Variants in ZPBP observed in about 807,000 individuals in gnomAD.
The protein encoded by ZPBP is zona pellucida-binding protein 1.
Under a neutral mutation model 44.8 loss-of-function variants are expected in ZPBP, and 26 were observed. That is an observed-to-expected ratio of 0.58 (90% CI 0.43 to 0.81). The LOEUF is 0.81. ZPBP is among the 30% of genes least tolerant of loss of function. The pLI is 0.00. For synonymous variants in ZPBP, 174 were observed against 153.2 expected, an observed-to-expected ratio of 1.14 and a Z score of -1.00; for missense variants, 409 against 434.0, an observed-to-expected ratio of 0.94 and a Z score of 0.51.
intron 3 of ZPBP, among the ~76,000 whole-genome samples, chr7:50,068,851 TCA>T (rs982163902): frequency 2.0e-5 from 3 of 152,316 alleles, no homozygotes; most frequent in Non-Finnish European, 2.9e-5. Flanking sequence ...CCGAAATGCC[TCA>T]CAGTCTTTTA....
In ZPBP at chr7:50,031,074, C is replaced by T. The variant is rs765395545; in HGVS notation, c.706+18G>A. The T allele has an allele frequency of 1.2e-6, 2 of 1,610,450 alleles. No homozygotes were observed. The highest frequency in any genetic ancestry group is 1.7e-6 in the Non-Finnish European group (2 of 1,177,880). On this transcript the variant is annotated intron_variant, in intron 5 of 7. Coordinates refer to ENST00000046087, the MANE Select transcript of ZPBP (RefSeq NM_007009.3). ...ATGTGTTCTCCATTTGCTTTTCTAA[C>T]AAATTGTATAGACTTACCTGAAAAT...
chr7:49,972,265 A>G (rs1325683320), intron 7 of ZPBP, among the ~76,000 whole-genome samples: 1 of 151,770 alleles, frequency 6.6e-6, no homozygotes, highest in East Asian at 1.9e-4. Context: ...AAGAAAAATA[A>G]ATAAAAGACA....
chr7:49,979,904 T>A (rs1275411948), intron 7 of ZPBP, among the ~76,000 whole-genome samples: 1 of 121,956 alleles, frequency 8.2e-6, no homozygotes, highest in Admixed American at 1.1e-4. Context: ...ATATTACATA[T>A]CTGTGTTCTG....
chr7:49,987,728 T>TTGTG (rs55971066), intron 6 of ZPBP, among the ~76,000 whole-genome samples: 209 of 145,652 alleles, frequency 1.4e-3, no homozygotes, highest in African/African-American at 2.5e-3. Flanking sequence ...TATATATGTG[T>TTGTG]TGTGTGTGTG....
At chr7:49,871,721 A>G (rs983162817) in intron 2 of ZPBP, among the ~76,000 whole-genome samples, 3 of 152,122 alleles carry the variant, frequency 2.0e-5, no homozygotes, top group African/African-American at 7.2e-5. Flanking sequence ...TAGATCAGGT[A>G]AGGAAAAAAA....
chr7:50,076,634 A>G (rs1417860727), intron 3 of ZPBP, among the ~76,000 whole-genome samples: 1 of 151,814 alleles, frequency 6.6e-6, no homozygotes, highest in Non-Finnish European at 1.5e-5. Context: ...GAAATAAAAA[A>G]GTAATCCCAT....
chr7:49,955,733 A>T (rs1212692270), intron 7 of ZPBP, among the ~76,000 whole-genome samples: 1 of 152,216 alleles, frequency 6.6e-6, no homozygotes, highest in Non-Finnish European at 1.5e-5. Context: ...TTCCAATTAA[A>T]GTTTGGTAAA....
intron 6 of ZPBP, among the ~76,000 whole-genome samples, chr7:49,995,334 C>G (rs1797773790): frequency 6.6e-6 from 1 of 152,136 alleles, no homozygotes; most frequent in Non-Finnish European, 1.5e-5. Context: ...CAGCTGAAAA[C>G]AAACTGCTTC....
chr7:50,093,083 G>T lies in ZPBP; in HGVS notation c.112C>A (p.Arg38=), dbSNP rs1265008404. The part of the protein sequence containing the change: ...ILLFISAFLV[R]VPSSVGHLVR... ...GGACCCTCACCTGATGAGGGCACCC[G>T]CACCAGGAAGGCGGAGATAAAGAGG... Residue 38 remains arginine (R), a synonymous_variant, in exon 1 of 8, where the codon CGG becomes AGG. Transcript: ENST00000046087. 6.2e-7 allele frequency: 1 copy of T among 1,600,604 alleles called. No homozygotes were observed. The highest frequency in any genetic ancestry group is 2.3e-5 in the East Asian group (1 of 44,326).
intron 7 of ZPBP, among the ~76,000 whole-genome samples, chr7:49,976,734 T>C (rs867541601): frequency 2.7e-4 from 41 of 152,316 alleles, no homozygotes; most frequent in African/African-American, 9.6e-4. Context: ...CTTCATGATA[T>C]TGTTAATTCT....
At chr7:49,900,936 G>A (rs562999645) in intron 2 of ZPBP, among the ~76,000 whole-genome samples, 2 of 151,886 alleles carry the variant, frequency 1.3e-5, no homozygotes, top group East Asian at 3.9e-4. Context: ...ATTTATCCCA[G>A]GTATGCCTTA....
chr7:49,882,721 C>A (rs1791722428), intron 2 of ZPBP, among the ~76,000 whole-genome samples: 1 of 152,112 alleles, frequency 6.6e-6, no homozygotes, highest in South Asian at 2.1e-4. Flanking sequence ...AATGTGTAAC[C>A]TTCCTAAGGC....
intron 7 of ZPBP, among the ~76,000 whole-genome samples, chr7:49,954,398 G>C (rs988148475): frequency 1.3e-5 from 2 of 152,138 alleles, no homozygotes; most frequent in African/African-American, 2.4e-5. Context: ...CAAATGCTTA[G>C]ATCTGACACC....
chr7:49,938,722 TG>T (rs1245466198), intron 7 of ZPBP, among the ~76,000 whole-genome samples: 2 of 152,186 alleles, frequency 1.3e-5, no homozygotes, highest in Non-Finnish European at 2.9e-5. Flanking sequence ...CTCTTTTTCC[TG>T]TTGCAAATGT....
chr7:49,845,412 CAAT>C, the ZPBP span, among the ~76,000 whole-genome samples: 1 of 152,170 alleles, frequency 6.6e-6, no homozygotes, highest in East Asian at 1.9e-4. Context: ...ATTTCAACAA[CAAT>C]GCTTGTGATT....
chr7:49,981,673 T>TTATAG (rs1796971828), intron 7 of ZPBP, among the ~76,000 whole-genome samples: 1 of 75,470 alleles, frequency 1.3e-5, no homozygotes, highest in African/African-American at 6.2e-5. Context: ...ATATATTATA[T>TTATAG]ATTATATATA....
intron 7 of ZPBP, among the ~76,000 whole-genome samples, chr7:49,941,029 G>A (rs1462285708): frequency 2.6e-5 from 4 of 152,238 alleles, no homozygotes; most frequent in Middle Eastern, 3.4e-3. Flanking sequence ...CACATGCTCA[G>A]GACCAAGCAT....
rs754674738 is a variant in ZPBP, at chr7:50,059,823, CT to C, written c.335-1683del. Among the ~76,000 whole-genome samples, 139 of 152,052 alleles carry C rather than the reference CT, an allele frequency of 9.1e-4. 1 individual carries two copies. The highest frequency in any genetic ancestry group is 3.3e-3 in the African/African-American group (138 of 41,482). ...TATACAATCTGTAATAAAATGCCCC[CT>C]GACTGCCTTCTTATTTAAAAAATGT... On this transcript the variant is annotated intron_variant, in intron 3 of 7. Transcript: ENST00000046087.
intron 4 of ZPBP, among the ~76,000 whole-genome samples, chr7:50,052,324 G>C (rs1041101110): frequency 6.6e-6 from 1 of 152,118 alleles, no homozygotes; most frequent in Non-Finnish European, 1.5e-5. Flanking sequence ...AGGATGTACA[G>C]ATGGCAAATA....
Sources: gnomAD v4.1 joint callset for allele counts (sites outside exome capture counted in the v4.1 genomes callset) on GRCh38, gnomAD v4.1.1 for gene constraint, MANE v1.5 for transcripts, NCBI Gene and HGNC (gene_info 2026-07-23, HGNC 2026-07-21) for gene names.